Variants in ITGBL1 observed in about 807,000 individuals in gnomAD.
ITGBL1 encodes integrin beta-like protein 1.
Under a neutral mutation model 68.5 loss-of-function variants are expected in ITGBL1, and 51 were observed. The observed-to-expected ratio is 0.74, with a 90% CI of 0.59 to 0.94. ITGBL1 has a LOEUF of 0.94. Ranked by LOEUF, ITGBL1 falls within the 40% of genes least tolerant of loss-of-function variation. The pLI is 0.00. For synonymous variants in ITGBL1, 209 were observed against 227.3 expected (o/e 0.92, Z 0.72); for missense variants, 649 against 647.4 (o/e 1.00, Z -0.03).
At chr13:101,614,124 T>C (rs2031252618) in intron 7 of ITGBL1, among the ~76,000 whole-genome samples, 2 of 152,048 alleles carry the variant, frequency 1.3e-5, no homozygotes, top group Admixed American at 1.3e-4. Flanking sequence ...TGAACCACCT[T>C]AGGCACGTTT....
At chr13:101,664,238 G>C (rs1411673906) in intron 7 of ITGBL1, among the ~76,000 whole-genome samples, 1 of 152,116 alleles carries the variant, frequency 6.6e-6, no homozygotes, top group Non-Finnish European at 1.5e-5. Flanking sequence ...AGAATTTAGA[G>C]CTTAACATTC....
At chr13:101,456,597 T>C (rs758250480) in intron 2 of ITGBL1, among the ~76,000 whole-genome samples, 2 of 152,198 alleles carry the variant, frequency 1.3e-5, no homozygotes, top group Non-Finnish European at 2.9e-5. Flanking sequence ...TCTCTTATAG[T>C]ACTATATCAT....
chr13:101,669,947 A>G (rs1289381196), intron 7 of ITGBL1, among the ~76,000 whole-genome samples: 1 of 151,938 alleles, frequency 6.6e-6, no homozygotes, highest in Non-Finnish European at 1.5e-5. Context: ...ACATCTTTTC[A>G]TATTGTTAAA....
intron 7 of ITGBL1, among the ~76,000 whole-genome samples, chr13:101,619,376 G>C (rs2031496186): frequency 6.6e-6 from 1 of 151,882 alleles, no homozygotes; most frequent in Admixed American, 6.6e-5. Flanking sequence ...GGGAAAGAAA[G>C]AGTCAGAATC....
At chr13:101,568,132 C>T (rs1433092380) in intron 3 of ITGBL1, among the ~76,000 whole-genome samples, 3 of 152,058 alleles carry the variant, frequency 2.0e-5, no homozygotes, top group African/African-American at 4.8e-5. Context: ...TATTGAATAC[C>T]GGATTACATC....
intron 2 of ITGBL1, among the ~76,000 whole-genome samples, chr13:101,480,235 A>G (rs2048598654): frequency 6.6e-6 from 1 of 152,100 alleles, no homozygotes. Flanking sequence ...CAGACTCTGC[A>G]TGTCCTCACT....
intron 2 of ITGBL1, among the ~76,000 whole-genome samples, chr13:101,459,713 C>A (rs1284190544): frequency 6.6e-6 from 1 of 151,910 alleles, no homozygotes; most frequent in African/African-American, 2.4e-5. Context: ...GCACTGCAGC[C>A]TGAGCAACAG....
intron 2 of ITGBL1, among the ~76,000 whole-genome samples, chr13:101,514,992 T>C (rs901426639): frequency 6.6e-6 from 1 of 152,080 alleles, no homozygotes; most frequent in Admixed American, 6.6e-5. Flanking sequence ...TAGAAAATAT[T>C]ATAGGAATTT....
intron 2 of ITGBL1, among the ~76,000 whole-genome samples, chr13:101,541,925 T>A (rs1356200646): frequency 2.6e-5 from 4 of 152,002 alleles, no homozygotes; most frequent in Non-Finnish European, 4.4e-5. Context: ...TTTTTATTGC[T>A]TCTATTTGAT....
intron 7 of ITGBL1, among the ~76,000 whole-genome samples, chr13:101,617,792 G>T (rs1399973469): frequency 6.6e-6 from 1 of 152,052 alleles, no homozygotes; most frequent in Non-Finnish European, 1.5e-5. Flanking sequence ...TGAATCTTGT[G>T]AATGTGTGGG....
intron 2 of ITGBL1, among the ~76,000 whole-genome samples, chr13:101,540,552 A>G (rs2049677008): frequency 6.6e-6 from 1 of 152,174 alleles, no homozygotes; most frequent in African/African-American, 2.4e-5. Flanking sequence ...TTTTGGTTCC[A>G]TATGAACTTT....
At chr13:101,597,035 A>T (rs2139321586) in intron 6 of ITGBL1, among the ~76,000 whole-genome samples, 1 of 152,278 alleles carries the variant, frequency 6.6e-6, no homozygotes, top group South Asian at 2.1e-4. Flanking sequence ...TACAATGTAC[A>T]CTAAGAGTGG....
At chr13:101,492,793 T>TCAAGTATATTGTCTCA (rs1442724725) in intron 2 of ITGBL1, among the ~76,000 whole-genome samples, 27 of 152,234 alleles carry the variant, frequency 1.8e-4, no homozygotes, top group African/African-American at 5.5e-4. Flanking sequence ...CTCTTGGCTC[T>TCAAGTATATTGTCTCA]CAAGTATATT....
intron 6 of ITGBL1, among the ~76,000 whole-genome samples, chr13:101,589,028 T>C (rs1006430566): frequency 3.3e-5 from 5 of 152,234 alleles, no homozygotes; most frequent in Non-Finnish European, 4.4e-5. Context: ...TTGTAGGACA[T>C]GTACAGTTTC....
intron 7 of ITGBL1, among the ~76,000 whole-genome samples, chr13:101,658,517 T>G (rs142156142): frequency 1.2e-3 from 183 of 152,334 alleles, no homozygotes; most frequent in African/African-American, 4.3e-3. Context: ...AGTTAAATTA[T>G]AATCTAAAAT....
chr13:101,604,885 T>TACAC (rs1449617732), intron 7 of ITGBL1, among the ~76,000 whole-genome samples: 207 of 11,900 alleles, frequency 0.017, 3 homozygotes, highest in South Asian at 0.045. Flanking sequence ...TATATATATA[T>TACAC]ATACACACAC....
At chr13:101,527,396 T>C (rs1433251157) in intron 2 of ITGBL1, among the ~76,000 whole-genome samples, 1 of 152,116 alleles carries the variant, frequency 6.6e-6, no homozygotes, top group Admixed American at 6.6e-5. Context: ...TGCATGCTTT[T>C]GAGATTCATC....
At chr13:101,698,907 C>T (rs2034068235) in intron 8 of ITGBL1, among the ~76,000 whole-genome samples, 1 of 152,164 alleles carries the variant, frequency 6.6e-6, no homozygotes, top group African/African-American at 2.4e-5. Context: ...CCTGGAATAG[C>T]TACCCATGAG....
At chr13:101,719,258 C>A (rs2034835741), downstream of ITGBL1, 1 of 151,996 alleles carries the variant, frequency 6.6e-6, no homozygotes, top group South Asian at 2.1e-4. Flanking sequence ...AAAATAACAA[C>A]TTTTAGTGCT....
Sources: gnomAD v4.1 joint callset for allele counts (sites outside exome capture counted in the v4.1 genomes callset) on GRCh38, gnomAD v4.1.1 for gene constraint, MANE v1.5 for transcripts, NCBI Gene and HGNC (gene_info 2026-07-23, HGNC 2026-07-21) for gene names.